Variants in MUC12 observed in about 807,000 individuals in gnomAD.
MUC12 encodes the protein mucin-12.
MUC12 carries 172 observed loss-of-function variants against 230.8 expected under a neutral mutation model. The observed-to-expected ratio is 0.75, with a 90% CI of 0.66 to 0.85. The LOEUF is 0.85. Among genes scored for constraint, MUC12 ranks in the 40% least tolerant of loss-of-function variants. MUC12 has a pLI of 0.00. For missense variants in MUC12, 3,506 were observed against 5,920.6 expected (o/e 0.59, Z 13.38); for synonymous variants, 1,259 against 2,401.9 (o/e 0.52, Z 13.91).
At chr7:100,973,160 G>A (rs1471196799) in intron 1 of MUC12, 2 of 621,692 alleles carry the variant, frequency 3.2e-6, no homozygotes, top group Non-Finnish European at 5.8e-6. Flanking sequence ...CAGCATCAGA[G>A]AGGCCATTGA....
In MUC12 at chr7:100,991,008, A is replaced by G. The variant is rs1161873972; in HGVS notation, c.445A>G (p.Arg149Gly). The change falls in exon 2 of 12, where the codon AGA (arginine) becomes GGA (glycine). Residue 149 changes from arginine (R) to glycine (G), a missense_variant. Coordinates refer to ENST00000536621, the MANE Select transcript of MUC12 (RefSeq NM_001164462.2). ...TFYSSPRSPDRTLSPARTTSS... is the reference protein window; with the variant it reads ...TFYSSPRSPDGTLSPARTTSS... ...CTACAGTAGCCCCAGATCACCAGAC[A>G]GAACACTCTCACCTGCCCGCACGAC... The G allele has an allele frequency of 3.9e-6, 6 of 1,537,926 alleles. No individual in the cohort carries two copies. Among genetic ancestry groups the G allele is most frequent in the Non-Finnish European group, 5.2e-6 (6 of 1,147,054 alleles).
chr7:100,972,973 A>C (rs1239291184), intron 1 of MUC12: 2 of 702,982 alleles, frequency 2.8e-6, no homozygotes, highest in Non-Finnish European at 5.2e-6. Context: ...ACGGTGCAGG[A>C]ATGCCCTGAA....
chr7:100,970,928 C>T (rs1276217565), intron 1 of MUC12, among the ~76,000 whole-genome samples: 1 of 151,784 alleles, frequency 6.6e-6, no homozygotes, highest in Non-Finnish European at 1.5e-5. Flanking sequence ...ACCCGGGAGG[C>T]GGAGCCTGCA....
At chr7:100,989,308 A>G (rs573091307) in intron 1 of MUC12, among the ~76,000 whole-genome samples, 1 of 152,112 alleles carries the variant, frequency 6.6e-6, no homozygotes, top group African/African-American at 2.4e-5. Flanking sequence ...GAGTTTCACA[A>G]TGATGCCTAG....
chr7:100,972,100 C>T (rs1395303365), intron 1 of MUC12: 3 of 703,192 alleles, frequency 4.3e-6, no homozygotes, highest in African/African-American at 3.5e-5. Flanking sequence ...CCAGAGACCC[C>T]CTGCCCTCCT....
At position 100,993,534 on chromosome 7, in the gene MUC12, T is replaced by A; in HGVS notation, c.2971T>A (p.Ser991Thr). The part of the protein sequence containing the change: ...SSTSPGLQGE[S>T]TAFQTHPAST... ...CACAAGCCCTGGACTTCAGGGAGAA[T>A]CTACTGCCTTCCAGACCCACCCAGC... Residue 991 changes from serine (S) to threonine (T), a missense_variant, in exon 2 of 12, where the codon TCT becomes ACT. Physicochemically the swap from Ser to Thr is moderately conservative, Grantham distance 58 (BLOSUM62 1). Coordinates refer to ENST00000536621, the MANE Select transcript of MUC12 (RefSeq NM_001164462.2). The A allele has an allele frequency of 9.9e-7, 1 of 1,006,056 alleles. No homozygotes were observed. The allele number at this position is 1,006,056 out of a possible 1,614,324, so 62.3% of individuals were successfully genotyped here.
chr7:100,987,749 G>C (rs945050002), intron 1 of MUC12, among the ~76,000 whole-genome samples: 2 of 152,062 alleles, frequency 1.3e-5, no homozygotes, highest in African/African-American at 4.8e-5. Context: ...GAGGTGAGCA[G>C]GTCACCTGAG....
At chr7:101,007,366 C>G (rs1166543890) in intron 3 of MUC12, among the ~76,000 whole-genome samples, 3 of 152,074 alleles carry the variant, frequency 2.0e-5, no homozygotes, top group African/African-American at 4.8e-5. Context: ...TTTTTTGTAC[C>G]CATTAACCAT....
chr7:101,011,813 C>T (rs754055746), intron 5 of MUC12, among the ~76,000 whole-genome samples: 2 of 152,176 alleles, frequency 1.3e-5, no homozygotes, highest in Admixed American at 6.5e-5. Flanking sequence ...GGTTTGCTTC[C>T]ACCTTTTGGC....
intron 2 of MUC12, 73 bp downstream of exon 2, chr7:101,005,592 C>T: frequency 4.9e-6 from 7 of 1,434,698 alleles, no homozygotes; most frequent in Non-Finnish European, 6.5e-6. Context: ...TCATCCATTA[C>T]AACCTCTCTT....
In MUC12 at chr7:100,995,827, C is replaced by G; in HGVS notation, c.5264C>G (p.Pro1755Arg). ...HSSPVATATT[P>R]SPARSTTSGL... ...AGCCCAGTTGCAACTGCAACAACAC[C>G]CTCGCCTGCCCGCTCCACAACCTCA... Residue 1755 changes from proline to arginine, a missense_variant, in exon 2 of 12, where the codon CCC becomes CGC. Physicochemically the swap from Pro to Arg is moderately radical, Grantham distance 103. Coordinates refer to ENST00000536621, the MANE Select transcript of MUC12 (RefSeq NM_001164462.2). 6.8e-7 allele frequency: 1 copy of G among 1,465,978 alleles called. No individual in the cohort carries two copies. Among genetic ancestry groups the G allele is most frequent in the Non-Finnish European group, 9.1e-7 (1 of 1,093,038 alleles). 90.8% of individuals were successfully genotyped at this position (1,465,978 alleles called of 1,614,324 possible). A position where few individuals can be genotyped will look rare whatever the true frequency, so the allele number is the denominator to read the frequency against.
At chr7:100,985,410 A>T (rs1793173021) in intron 1 of MUC12, among the ~76,000 whole-genome samples, 1 of 152,156 alleles carries the variant, frequency 6.6e-6, no homozygotes, top group Non-Finnish European at 1.5e-5. Context: ...AGGGTCAAAA[A>T]TCTTATAGCC....
rs554591399 is a variant in MUC12, at chr7:100,991,389, A to G, written c.826A>G (p.Thr276Ala). Residue 276 changes from threonine (T) to alanine (A), a missense_variant, in exon 2 of 12, where the codon ACC becomes GCC. By Grantham distance (58) the Thr-to-Ala change is moderately conservative. Transcript: ENST00000536621. The part of the protein sequence containing the change: ...SSSTTHEGEP[T>A]TFQSWPSSKD... ...CTCTACAACCCATGAGGGAGAACCT[A>G]CCACCTTCCAGAGCTGGCCAAGCTC... 1.1e-4 allele frequency: 167 copies of G among 1,537,768 alleles called. No individual in the cohort carries two copies. Among genetic ancestry groups the G allele is most frequent in the Admixed American group, 3.1e-4 (16 of 50,988 alleles).
At chr7:100,975,751 T>A (rs1242569498) in intron 1 of MUC12, among the ~76,000 whole-genome samples, 3 of 152,418 alleles carry the variant, frequency 2.0e-5, no homozygotes, top group African/African-American at 7.2e-5. Context: ...AGGAAGGAAG[T>A]ATTATATTAA....
chr7:100,986,700 G>A (rs1208453211), intron 1 of MUC12, among the ~76,000 whole-genome samples: 1 of 152,122 alleles, frequency 6.6e-6, no homozygotes, highest in African/African-American at 2.4e-5. Flanking sequence ...CCTCTGCTCT[G>A]GAGGACTGAA....
At chr7:100,974,675 A>G (rs1043284399) in intron 1 of MUC12, among the ~76,000 whole-genome samples, 38 of 147,728 alleles carry the variant, frequency 2.6e-4, no homozygotes, top group Non-Finnish European at 1.1e-4. Flanking sequence ...CCAGAAAAAA[A>G]TTAGCTGTGT....
chr7:100,991,947 G>C lies in MUC12; in HGVS notation c.1384G>C (p.Val462Leu), dbSNP rs1386355703. The change falls in exon 2 of 12, where the codon GTT becomes CTT. Residue 462 changes from valine (V) to leucine (L), a missense_variant. Coordinates refer to ENST00000536621, the MANE Select transcript of MUC12 (RefSeq NM_001164462.2). ...TGCCGGCTCTACACCCTCAGTTCTT[G>C]TTGGAGACTCGACGCCCTCACCCAT... ...LPAGSTPSVL[V>L]GDSTPSPISS... The C allele has an allele frequency of 6.5e-6, 10 of 1,537,918 alleles. No individual in the cohort carries two copies. The highest frequency in any genetic ancestry group is 8.7e-6 in the Non-Finnish European group (10 of 1,147,070).
chr7:100,984,377 C>T (rs1021129793), intron 1 of MUC12, among the ~76,000 whole-genome samples: 6 of 151,834 alleles, frequency 4.0e-5, no homozygotes, highest in South Asian at 2.1e-4. Flanking sequence ...CTGCCCCAGC[C>T]GCCCAAGGAG....
chr7:101,009,801 A>T (rs1240876149), intron 5 of MUC12, among the ~76,000 whole-genome samples: 1 of 152,168 alleles, frequency 6.6e-6, no homozygotes. Flanking sequence ...GGGGAGAGAG[A>T]GGAGGGCAGA....
Sources: gnomAD v4.1 joint callset for allele counts (sites outside exome capture counted in the v4.1 genomes callset) on GRCh38, gnomAD v4.1.1 for gene constraint, MANE v1.5 for transcripts, NCBI Gene and HGNC (gene_info 2026-07-23, HGNC 2026-07-21) for gene names.